Variants in LTA4H observed in about 807,000 individuals in gnomAD.
The protein encoded by LTA4H is leukotriene A4 hydrolase, also known as leukotriene A-4 hydrolase.
LTA4H carries 59 observed loss-of-function variants against 89.8 expected under a neutral mutation model. The observed-to-expected ratio is 0.66, with a 90% confidence interval of 0.53 to 0.82. The LOEUF (loss-of-function observed/expected upper bound fraction) is 0.82, where lower values mean the gene tolerates loss of function less well. Among genes scored for constraint, LTA4H ranks in the 40% least tolerant of loss-of-function variants. LTA4H has a pLI of 0.00. For missense variants in LTA4H, 617 were observed against 727.0 expected, an observed-to-expected ratio of 0.85 and a Z score of 1.74; for synonymous variants, 227 against 253.1, an observed-to-expected ratio of 0.90 and a Z score of 0.98.
In LTA4H at chr12:96,003,916, G is replaced by C. The variant is rs771917557; in HGVS notation, c.1535C>G (p.Pro512Arg). 97 of 1,601,410 alleles carry C rather than the reference G, an allele frequency of 6.1e-5. No individual in the cohort carries two copies. The highest frequency in any genetic ancestry group is 7.9e-5 in the Non-Finnish European group (93 of 1,172,298). The change falls in exon 17 of 19, where the codon CCT (proline) becomes CGT (arginine). Residue 512 changes from proline (P) to arginine (R), a missense_variant. Around this residue, in one of 3 missense-constraint regions of LTA4H, gnomAD observed 290 missense variants for 339.1 expected, o/e 0.86. Coordinates refer to ENST00000228740, the MANE Select transcript of LTA4H (RefSeq NM_000895.3). ...EFLAQTLQRA[P>R]LPLGHIKRMQ... ...TCGCTTTATGTGCCCCAATGGAAGA[G>C]GTGCCTAAGAGCAAAATAAAGAAGT...
chr12:96,019,029 AAG>A, intron 7 of LTA4H, 126 bp from the exon 8 acceptor site: 1 of 1,185,090 alleles, frequency 8.4e-7, no homozygotes, highest in Non-Finnish European at 1.2e-6. Flanking sequence ...AAATGATAAA[AAG>A]AATGTAGCAA....
chr12:96,015,045 A>G (rs766382807), intron 11 of LTA4H, 46 bp from the exon 12 acceptor site: 10 of 1,569,376 alleles, frequency 6.4e-6, no homozygotes, highest in South Asian at 2.3e-5. Flanking sequence ...AAAGACTGCT[A>G]TCACCACGCA....
chr12:96,025,928 T>C (rs984483478), intron 3 of LTA4H, among the ~76,000 whole-genome samples: 6 of 152,140 alleles, frequency 3.9e-5, no homozygotes, highest in Admixed American at 1.3e-4. Context: ...CCAGCCTCAT[T>C]GAGACAGTCT....
At chr12:96,019,344 G>A (rs1438796339) in intron 6 of LTA4H, 104 bp from the exon 7 acceptor site, 95 of 928,150 alleles carry the variant, frequency 1.0e-4, no homozygotes, top group Non-Finnish European at 1.5e-4. Flanking sequence ...CAGTGAGAGT[G>A]CATTTACCAT....
At chr12:96,023,871 G>A (rs1950481853) in intron 4 of LTA4H, among the ~76,000 whole-genome samples, 1 of 151,898 alleles carries the variant, frequency 6.6e-6, no homozygotes, top group Non-Finnish European at 1.5e-5. Context: ...TTGTTCCTAA[G>A]TTCTTATTTC....
rs921085552 is a variant in LTA4H at position 96,009,290 on chromosome 12, T to G, written c.1380-142A>C. On this transcript the variant is annotated intron_variant, in intron 14 of 18. Transcript: ENST00000228740. Reference sequence around the variant, plus strand: ...CCAAAGTGAGGAAAATAGGAAATATTTTACCTAACTTACATACTACTGGCA... The same window carrying G: ...CCAAAGTGAGGAAAATAGGAAATATGTTACCTAACTTACATACTACTGGCA... The G allele has an allele frequency of 2.6e-5, 16 of 613,822 alleles. No homozygotes were observed. The Admixed American group carries it at 3.8e-4, about 15-fold the overall frequency. The allele number at this position is 613,822 out of a possible 1,614,324, so 38.0% of individuals were successfully genotyped here.
chr12:96,029,262 C>A, intron 1 of LTA4H, 77 bp from the exon 2 acceptor site: 1 of 745,932 alleles, frequency 1.3e-6, no homozygotes. Flanking sequence ...TAGGCTACAA[C>A]AACTAGTTGC....
At chr12:96,012,400 G>C (rs1289434587) in intron 14 of LTA4H, 2 of 152,278 alleles carry the variant, frequency 1.3e-5, no homozygotes, top group East Asian at 3.9e-4. Flanking sequence ...GATTGAAGGA[G>C]GGGGTTCAGT....
chr12:96,036,001 A>G (rs1481260033), upstream of LTA4H, among the ~76,000 whole-genome samples: 1 of 152,212 alleles, frequency 6.6e-6, no homozygotes, highest in Non-Finnish European at 1.5e-5. Context: ...GGCCTATCAG[A>G]AGGCTTTCTT....
intron 14 of LTA4H, 136 bp downstream of exon 14, chr12:96,013,052 G>T: frequency 1.5e-6 from 1 of 645,340 alleles, no homozygotes. Context: ...CAGGGTTAAG[G>T]CCAAAACACC....
intron 1 of LTA4H, among the ~76,000 whole-genome samples, chr12:96,031,452 T>A (rs2136917882): frequency 6.6e-6 from 1 of 152,304 alleles, no homozygotes; most frequent in Non-Finnish European, 1.5e-5. Context: ...AGTCAAAAAC[T>A]GTAATAAGAA....
rs76422707 is a variant in LTA4H at position 96,013,978 on chromosome 12, C to T, written c.1205-125G>A. On this transcript the variant is annotated intron_variant, in intron 12 of 18. Transcript: ENST00000228740. ...AACATTCAGAGAATAGGGAAATCTA[C>T]GAGGACTTTCAGAGTGAAAGAATGT... 18 of 550,438 alleles carry T rather than the reference C, an allele frequency of 3.3e-5. No individual in the cohort carries two copies. In the East Asian group the frequency reaches 4.4e-4, roughly 14 times the overall value. The allele number at this position is 550,438 out of a possible 1,614,324, so 34.1% of individuals were successfully genotyped here.
chr12:96,041,986 C>CTT (rs145401712), intron 1 of LTA4H, among the ~76,000 whole-genome samples: 6 of 110,068 alleles, frequency 5.5e-5, no homozygotes, highest in East Asian at 2.4e-4. Context: ...GTTTTTTTTT[C>CTT]TTTTTTTTTT....
chr12:96,008,955 A>T (rs1011078747), intron 15 of LTA4H, 139 bp downstream of exon 15: 1 of 685,776 alleles, frequency 1.5e-6, no homozygotes, highest in Non-Finnish European at 2.6e-6. Flanking sequence ...TAGATATAAT[A>T]TCACCTTAGA....
intron 8 of LTA4H, 110 bp from the exon 9 acceptor site, chr12:96,017,690 C>A: frequency 1.4e-6 from 1 of 701,134 alleles, no homozygotes; most frequent in East Asian, 2.8e-5. Flanking sequence ...CACTGTATTT[C>A]TACTACAGCA....
chr12:96,028,762 T>C (rs1950539760), intron 2 of LTA4H, among the ~76,000 whole-genome samples: 2 of 152,220 alleles, frequency 1.3e-5, no homozygotes, highest in African/African-American at 4.8e-5. Context: ...TGCCTTCTTA[T>C]GATGGCATGC....
Position 96,006,451 on chromosome 12 carries a change from T to C in LTA4H, c.1435-42A>G, listed in dbSNP as rs1163945994. 4.5e-6 allele frequency: 5 copies of C among 1,114,274 alleles called. No homozygotes were observed. The African/African-American group carries it at 7.7e-5, about 17-fold the overall frequency. The allele number at this position is 1,114,274 out of a possible 1,614,324, so 69.0% of individuals were successfully genotyped here. A position where few individuals can be genotyped will look rare whatever the true frequency, so the allele number is the denominator to read the frequency against. On this transcript the variant is annotated intron_variant, in intron 15 of 18. Coordinates refer to ENST00000228740, the MANE Select transcript of LTA4H (RefSeq NM_000895.3). The stretch of plus-strand genomic sequence containing the variant: ...CTAGTTATTTTTGTTCAAGTACAAT[T>C]TAATAATACTTATTGGTTTATCTGA...
intron 11 of LTA4H, 53 bp from the exon 12 acceptor site, chr12:96,015,052 C>G (rs554237978): frequency 2.6e-6 from 4 of 1,536,378 alleles, no homozygotes; most frequent in African/African-American, 1.4e-5. Flanking sequence ...GCTATCACCA[C>G]GCAAATAAGC....
intron 14 of LTA4H, 106 bp from the exon 15 acceptor site, chr12:96,009,254 GAAAAC>G: frequency 2.8e-6 from 2 of 718,056 alleles, no homozygotes; most frequent in Non-Finnish European, 4.8e-6. Flanking sequence ...TTTAAATAAG[GAAAAC>G]AAACTCCAAA....
Sources: allele counts gnomAD v4.1 joint callset (sites outside exome capture counted in the v4.1 genomes callset), GRCh38; gene constraint gnomAD v4.1.1; regional missense constraint gnomAD v4.1.1; transcripts MANE v1.5; gene names NCBI Gene and HGNC (gene_info 2026-07-23, HGNC 2026-07-21).